PPP1R21: variants seen among roughly 807,000 people sequenced by gnomAD.
PPP1R21 encodes KLRAQ motif containing 1.
In PPP1R21, 85 loss-of-function variants were observed where a neutral mutation model predicts 112.8. The observed-to-expected ratio is 0.75, with a 90% CI of 0.63 to 0.90. The LOEUF (loss-of-function observed/expected upper bound fraction) is 0.90, where lower values mean the gene tolerates loss of function less well. PPP1R21 is among the 40% of genes least tolerant of loss of function. PPP1R21 has a pLI of 0.00. For synonymous variants in PPP1R21, 381 were observed against 322.3 expected, an observed-to-expected ratio of 1.18 and a Z score of -1.95; for missense variants, 1,199 against 901.5, an observed-to-expected ratio of 1.33 and a Z score of -4.23.
At chr2:48,446,943 G>A (rs920673710) in intron 1 of PPP1R21, among the ~76,000 whole-genome samples, 1 of 152,042 alleles carries the variant, frequency 6.6e-6, no homozygotes, top group African/African-American at 2.4e-5. Context: ...TAGAGATGGG[G>A]TTTTGCCATG....
At chr2:48,443,934 C>T (rs992457696) in intron 1 of PPP1R21, among the ~76,000 whole-genome samples, 3 of 152,052 alleles carry the variant, frequency 2.0e-5, no homozygotes, top group African/African-American at 7.2e-5. Context: ...AAGCATGATC[C>T]CTAAGCCAAG....
intron 15 of PPP1R21, among the ~76,000 whole-genome samples, chr2:48,494,236 TCTCAAAAAAA>T: frequency 2.0e-5 from 1 of 48,902 alleles, no homozygotes. Context: ...TGAGACCTTG[TCTCAAAAAAA>T]AAAAAAAAAA....
At chr2:48,502,328 G>A (rs867774898) in intron 17 of PPP1R21, among the ~76,000 whole-genome samples, 1 of 152,150 alleles carries the variant, frequency 6.6e-6, no homozygotes, top group Non-Finnish European at 1.5e-5. Flanking sequence ...CAAAAGACAG[G>A]TTAACTGCTA....
At chr2:48,454,921 C>A (rs1273215986) in intron 3 of PPP1R21, among the ~76,000 whole-genome samples, 180 bp downstream of exon 3, 6 of 152,174 alleles carry the variant, frequency 3.9e-5, no homozygotes, top group South Asian at 2.1e-4. Flanking sequence ...CTCACTGCAA[C>A]CTCTGCTCCC....
intron 20 of PPP1R21, among the ~76,000 whole-genome samples, chr2:48,510,591 C>T (rs895088262): frequency 3.9e-5 from 6 of 152,246 alleles, no homozygotes; most frequent in African/African-American, 1.4e-4. Flanking sequence ...CACAGCACTA[C>T]AGCAACACCC....
rs376178850 is a variant in PPP1R21 at position 48,471,375 on chromosome 2, C to T, written c.1088+8C>T. 1.3e-6 allele frequency: 2 copies of T among 1,597,658 alleles called. No homozygotes were observed. The highest frequency in any genetic ancestry group is 8.5e-7 in the Non-Finnish European group (1 of 1,174,396). On this transcript the variant is annotated splice_region_variant and intron_variant, in intron 11 of 21. Coordinates refer to ENST00000294952, the MANE Select transcript of PPP1R21 (RefSeq NM_001135629.3). ...TCCCTATCAGTTAAAAAGGTAGTTACCCCCGGAGGCCAGGGAACTTGGGGA... is the reference window on the plus strand; with the variant it reads ...TCCCTATCAGTTAAAAAGGTAGTTATCCCCGGAGGCCAGGGAACTTGGGGA...
intron 14 of PPP1R21, among the ~76,000 whole-genome samples, 156 bp from the exon 15 acceptor site, chr2:48,490,862 C>G (rs536473114): frequency 1.3e-5 from 2 of 152,134 alleles, no homozygotes. Context: ...CCTAGGTATT[C>G]TCAAATAAAT....
intron 12 of PPP1R21, among the ~76,000 whole-genome samples, chr2:48,478,334 A>G (rs1668849174): frequency 6.6e-6 from 1 of 152,226 alleles, no homozygotes; most frequent in South Asian, 2.1e-4. Flanking sequence ...TGAACATAGT[A>G]TGTTTTTCCA....
intron 16 of PPP1R21, among the ~76,000 whole-genome samples, chr2:48,498,068 C>A (rs558685951): frequency 1.1e-4 from 16 of 152,028 alleles, no homozygotes; most frequent in Non-Finnish European, 1.9e-4. Context: ...AGTGGCATTG[C>A]ATACCTTTTA....
intron 17 of PPP1R21, among the ~76,000 whole-genome samples, chr2:48,503,243 G>C (rs1252250726): frequency 6.6e-6 from 1 of 152,086 alleles, no homozygotes; most frequent in African/African-American, 2.4e-5. Context: ...AGCCACCAAT[G>C]TTATCGTTTT....
At chr2:48,514,179 G>A (rs1670767269) in intron 21 of PPP1R21, among the ~76,000 whole-genome samples, 3 of 140,738 alleles carry the variant, frequency 2.1e-5, no homozygotes, top group South Asian at 2.3e-4. Flanking sequence ...TCCGCCTCCC[G>A]GGTTCATGCC....
chr2:48,492,349 T>A (rs1196848243), intron 15 of PPP1R21, among the ~76,000 whole-genome samples: 2 of 151,948 alleles, frequency 1.3e-5, no homozygotes, highest in African/African-American at 4.8e-5. Flanking sequence ...TTCTCTTTTC[T>A]TGTCCTTTTT....
intron 1 of PPP1R21, among the ~76,000 whole-genome samples, chr2:48,447,978 T>TA (rs200318371): frequency 3.7e-4 from 54 of 146,192 alleles, no homozygotes; most frequent in Middle Eastern, 3.4e-3. Flanking sequence ...AATAATAAAA[T>TA]AAAAAAAAAA....
chr2:48,453,184 C>T (rs1667558094), intron 2 of PPP1R21, among the ~76,000 whole-genome samples: 1 of 152,118 alleles, frequency 6.6e-6, no homozygotes, highest in African/African-American at 2.4e-5. Context: ...AAACTCCTGA[C>T]CTCGAGTGAT....
At chr2:48,485,779 A>T (rs1669255388) in intron 13 of PPP1R21, among the ~76,000 whole-genome samples, 1 of 150,834 alleles carries the variant, frequency 6.6e-6, no homozygotes, top group Non-Finnish European at 1.5e-5. Flanking sequence ...AAATTTCTTG[A>T]TTCTAAATTA....
chr2:48,459,702 A>G, intron 4 of PPP1R21, 52 bp from the exon 5 acceptor site: 1 of 1,564,230 alleles, frequency 6.4e-7, no homozygotes, highest in Non-Finnish European at 8.7e-7. Flanking sequence ...TATTTTTCTC[A>G]TTTATGTATA....
chr2:48,461,013 AG>A, intron 6 of PPP1R21, 124 bp from the exon 7 acceptor site: 1 of 1,423,050 alleles, frequency 7.0e-7, no homozygotes. Context: ...CTCTCTGCCA[AG>A]AGTATCCCAG....
At chr2:48,513,746 A>G (rs1389228402) in intron 21 of PPP1R21, among the ~76,000 whole-genome samples, 2 of 152,218 alleles carry the variant, frequency 1.3e-5, no homozygotes, top group South Asian at 4.1e-4. Context: ...TCTTGCTCTT[A>G]GTGTTTATAT....
Position 48,511,434 on chromosome 2 carries a change from G to A in PPP1R21, c.2279G>A (p.Arg760Lys), listed in dbSNP as rs139282409. 6 of 1,613,976 alleles carry A rather than the reference G, an allele frequency of 3.7e-6. No homozygotes were observed. Among genetic ancestry groups the A allele is most frequent in the Non-Finnish European group, 5.1e-6 (6 of 1,180,018 alleles). ...CSMNETLSKQ[R>K]EEIDTLKMSS... ...ATGAATGAGACATTATCTAAACAGA[G>A]AGAAGAGATTGACACACTAAAGATG... is the stretch of plus-strand genomic sequence containing the variant. Residue 760 changes from arginine (R) to lysine (K), a missense_variant, in exon 21 of 22, where the codon AGA (arginine) becomes AAA (lysine). Transcript: ENST00000294952.
Sources: gnomAD v4.1 joint callset for allele counts (sites outside exome capture counted in the v4.1 genomes callset) on GRCh38, gnomAD v4.1.1 for gene constraint, MANE v1.5 for transcripts, NCBI Gene and HGNC (gene_info 2026-07-23, HGNC 2026-07-21) for gene names.